Variants in TTC7A observed in about 807,000 individuals in gnomAD.
The protein encoded by TTC7A is tetratricopeptide repeat domain 7A, also known as tetratricopeptide repeat protein 7A.
Under a neutral mutation model 103.7 loss-of-function variants are expected in TTC7A, and 110 were observed. The ratio of observed to expected loss-of-function variants is 1.06; its 90% CI spans 0.91 to 1.24. TTC7A has a LOEUF of 1.24. TTC7A is among the 50% of genes most tolerant of loss of function. The pLI, the probability that TTC7A is intolerant of heterozygous loss-of-function variation, is 0.00. For synonymous variants in TTC7A, 521 were observed against 467.9 expected (o/e 1.11, Z -1.47); for missense variants, 1,340 against 1,116.3 (o/e 1.20, Z -2.86).
intron 3 of TTC7A, among the ~76,000 whole-genome samples, chr2:46,959,538 G>A (rs755130530): frequency 6.6e-6 from 1 of 152,110 alleles, no homozygotes; most frequent in Admixed American, 6.5e-5. Context: ...AGTGTGGAGC[G>A]GTTCCAACAT....
intron 11 of TTC7A, among the ~76,000 whole-genome samples, chr2:47,014,100 C>T (rs1024832885): frequency 4.6e-5 from 7 of 152,140 alleles, no homozygotes; most frequent in African/African-American, 7.2e-5. Context: ...GCCTGGTGCT[C>T]GCTGGATGGA....
intron 3 of TTC7A, among the ~76,000 whole-genome samples, chr2:46,969,069 A>G (rs1673119308): frequency 6.6e-6 from 1 of 151,186 alleles, no homozygotes; most frequent in African/African-American, 2.4e-5. Flanking sequence ...TCCTGGCCTT[A>G]TTTTCTATTG....
intron 15 of TTC7A, among the ~76,000 whole-genome samples, chr2:47,044,414 A>G (rs1442572297): frequency 6.6e-6 from 1 of 152,216 alleles, no homozygotes; most frequent in African/African-American, 2.4e-5. Flanking sequence ...AACCTGCGGA[A>G]GGAGAGTACA....
chr2:46,977,536 A>G (rs1490350756), intron 4 of TTC7A, among the ~76,000 whole-genome samples: 1 of 152,204 alleles, frequency 6.6e-6, no homozygotes, highest in African/African-American at 2.4e-5. Context: ...TCCTGGAACC[A>G]GAGGGCTCTC....
chr2:46,938,671 C>T (rs1417057495), upstream of TTC7A, among the ~76,000 whole-genome samples: 1 of 152,106 alleles, frequency 6.6e-6, no homozygotes, highest in Non-Finnish European at 1.5e-5. Context: ...CTCTTATAGT[C>T]AATAAATTCT....
intron 1 of TTC7A, among the ~76,000 whole-genome samples, chr2:46,942,070 C>T (rs981351419): frequency 6.6e-6 from 1 of 152,222 alleles, no homozygotes; most frequent in African/African-American, 2.4e-5. Flanking sequence ...TGTCCCTAAA[C>T]TCCATCAGGT....
At chr2:46,996,235 C>T (rs1381095360) in intron 8 of TTC7A, among the ~76,000 whole-genome samples, 1 of 152,194 alleles carries the variant, frequency 6.6e-6, no homozygotes, top group Non-Finnish European at 1.5e-5. Flanking sequence ...GCAGGAGCAT[C>T]AGAAGCCAAG....
At chr2:46,967,761 T>G (rs1672986145) in intron 3 of TTC7A, among the ~76,000 whole-genome samples, 1 of 152,238 alleles carries the variant, frequency 6.6e-6, no homozygotes, top group Non-Finnish European at 1.5e-5. Flanking sequence ...CTTTCTATTC[T>G]TTTGGGTATA....
intron 15 of TTC7A, among the ~76,000 whole-genome samples, chr2:47,031,103 C>T (rs367666157): frequency 4.4e-4 from 67 of 152,266 alleles, no homozygotes; most frequent in African/African-American, 1.5e-3. Flanking sequence ...GCCGAGATTG[C>T]GCCACTGCAC....
intron 18 of TTC7A, among the ~76,000 whole-genome samples, chr2:47,054,796 C>T (rs1234167373): frequency 1.3e-5 from 2 of 150,168 alleles, no homozygotes; most frequent in African/African-American, 4.9e-5. Flanking sequence ...GACTGTGCCA[C>T]TGCATGCCAG....
intron 3 of TTC7A, among the ~76,000 whole-genome samples, chr2:46,964,311 T>G (rs987447249): frequency 2.6e-5 from 4 of 152,102 alleles, no homozygotes; most frequent in Admixed American, 2.0e-4. Flanking sequence ...GTGGCTTGTT[T>G]GGAGGTGCAG....
chr2:46,973,900 G>A (rs1364884983), intron 3 of TTC7A, among the ~76,000 whole-genome samples: 2 of 152,190 alleles, frequency 1.3e-5, no homozygotes, highest in Non-Finnish European at 2.9e-5. Flanking sequence ...GGGGGTGAAA[G>A]GGAGGTTTCC....
intron 3 of TTC7A, among the ~76,000 whole-genome samples, chr2:46,962,426 G>T (rs1466663978): frequency 6.6e-6 from 1 of 152,164 alleles, no homozygotes; most frequent in African/African-American, 2.4e-5. Flanking sequence ...TCTTGCAGTT[G>T]TATCCCCCAA....
At chr2:46,980,848 A>C (rs1674378880) in intron 5 of TTC7A, among the ~76,000 whole-genome samples, 17 of 152,226 alleles carry the variant, frequency 1.1e-4, no homozygotes, top group Admixed American at 1.1e-3. Flanking sequence ...AGAGCAGCTC[A>C]TGGAACCCAG....
chr2:47,011,390 C>T lies in TTC7A; in HGVS notation c.1347C>T (p.Thr449=), dbSNP rs374960733. The T allele has an allele frequency of 3.9e-5, 63 of 1,611,824 alleles. No homozygotes were observed. The highest frequency in any genetic ancestry group is 4.6e-5 in the Non-Finnish European group (54 of 1,179,942). The change falls in exon 11 of 20, where the codon ACC becomes ACT. Residue 449 remains threonine, a synonymous_variant. Transcript: ENST00000319190. The part of the protein sequence containing the change: ...ECVKLRPSDP[T]VPLMAAKVCI... ...TGAAGTTGCGGCCCTCGGACCCCAC[C>T]GTGCCCCTGATGGCCGCGAAGGTCT...
intron 19 of TTC7A, among the ~76,000 whole-genome samples, chr2:47,072,738 C>G (rs1044159463): frequency 6.6e-6 from 1 of 152,186 alleles, no homozygotes; most frequent in Non-Finnish European, 1.5e-5. Flanking sequence ...CATCTCATGC[C>G]ACCCTCAGGG....
chr2:46,951,127 A>AT (rs894513576), intron 2 of TTC7A, among the ~76,000 whole-genome samples: 1 of 152,204 alleles, frequency 6.6e-6, no homozygotes, highest in Non-Finnish European at 1.5e-5. Flanking sequence ...GGGCAAGCCC[A>AT]TTTAAGTCCA....
chr2:47,029,455 T>G, intron 15 of TTC7A, 71 bp downstream of exon 15: 1 of 1,529,742 alleles, frequency 6.5e-7, no homozygotes, highest in Non-Finnish European at 9.0e-7. Context: ...CATGCACACC[T>G]GCCCTGCCAT....
chr2:46,978,762 C>A, intron 4 of TTC7A, 30 bp from the exon 5 acceptor site: 2 of 1,589,640 alleles, frequency 1.3e-6, no homozygotes, highest in Middle Eastern at 3.3e-4. Context: ...AACTTTGAGA[C>A]AATGGCTCTC....
Sources: allele counts gnomAD v4.1 joint callset (sites outside exome capture counted in the v4.1 genomes callset), GRCh38; gene constraint gnomAD v4.1.1; transcripts MANE v1.5; gene names NCBI Gene and HGNC (gene_info 2026-07-23, HGNC 2026-07-21).